Variants in MGRN1 observed in about 807,000 individuals in gnomAD.
The protein encoded by MGRN1 is E3 ubiquitin-protein ligase MGRN1.
Under a neutral mutation model 69.2 loss-of-function variants are expected in MGRN1, and 29 were observed. The observed-to-expected ratio is 0.42, with a 90% CI of 0.31 to 0.57. The LOEUF is 0.57. Ranked by LOEUF, MGRN1 falls within the 20% of genes least tolerant of loss-of-function variation. The pLI, the probability that MGRN1 is intolerant of heterozygous loss-of-function variation, is 0.15. For synonymous variants in MGRN1, 470 were observed against 344.2 expected (o/e 1.37, Z -4.04); for missense variants, 998 against 796.2 (o/e 1.25, Z -3.05).
intron 8 of MGRN1, among the ~76,000 whole-genome samples, chr16:4,670,251 T>A (rs1217715231): frequency 1.3e-5 from 2 of 151,972 alleles, no homozygotes; most frequent in Non-Finnish European, 1.5e-5. Context: ...TTATTTTGTT[T>A]TGTATTTTTG....
chr16:4,644,241 C>A (rs960878802), intron 1 of MGRN1, among the ~76,000 whole-genome samples: 67 of 152,012 alleles, frequency 4.4e-4, no homozygotes, highest in Non-Finnish European at 5.1e-4. Context: ...ATCCACCCCC[C>A]TCAGCCTCCC....
chr16:4,659,760 T>A (rs905228861), intron 5 of MGRN1, among the ~76,000 whole-genome samples: 2 of 152,180 alleles, frequency 1.3e-5, no homozygotes, highest in African/African-American at 4.8e-5. Context: ...AGAAAAACAT[T>A]TGGTCTGGTT....
chr16:4,644,829 A>G (rs1485914367), intron 1 of MGRN1, among the ~76,000 whole-genome samples: 4 of 152,158 alleles, frequency 2.6e-5, no homozygotes, highest in Non-Finnish European at 5.9e-5. Flanking sequence ...TAAAGTGTAC[A>G]AGTCAGTGAT....
intron 4 of MGRN1, among the ~76,000 whole-genome samples, chr16:4,654,784 G>A (rs1422688933): frequency 1.3e-5 from 2 of 152,214 alleles, no homozygotes; most frequent in Non-Finnish European, 2.9e-5. Context: ...GGCTGGTGGA[G>A]ACGACTTATG....
intron 5 of MGRN1, among the ~76,000 whole-genome samples, chr16:4,658,390 C>T (rs970252879): frequency 2.6e-5 from 4 of 151,852 alleles, no homozygotes; most frequent in Non-Finnish European, 5.9e-5. Flanking sequence ...AAAAAAATTA[C>T]CCGGGTGTGG....
chr16:4,643,024 C>T (rs1212863736), intron 1 of MGRN1, among the ~76,000 whole-genome samples: 2 of 152,030 alleles, frequency 1.3e-5, no homozygotes, highest in Admixed American at 6.6e-5. Flanking sequence ...GGCACAATCT[C>T]AGCTCACTGC....
intron 1 of MGRN1, among the ~76,000 whole-genome samples, chr16:4,637,931 C>G (rs1387539345): frequency 1.3e-5 from 2 of 152,226 alleles, no homozygotes; most frequent in East Asian, 3.8e-4. Context: ...AAAAAGGTGA[C>G]TACAGCTTAT....
At chr16:4,685,418 T>G in intron 16 of MGRN1, among the ~76,000 whole-genome samples, 1 of 150,182 alleles carries the variant, frequency 6.7e-6, no homozygotes, top group South Asian at 2.1e-4. Flanking sequence ...CAGGGGAGGG[T>G]CTCGGGCCTT....
chr16:4,680,640 C>T (rs1030537679), intron 12 of MGRN1: 1 of 154,806 alleles, frequency 6.5e-6, no homozygotes, highest in African/African-American at 2.4e-5. Context: ...GGAGGCCACT[C>T]CGGAGCCACC....
chr16:4,634,269 A>T (rs1898162114), intron 1 of MGRN1: 2 of 152,436 alleles, frequency 1.3e-5, no homozygotes, highest in Non-Finnish European at 1.5e-5. Context: ...AGGGAGGGAC[A>T]GGCCCTGGCC....
At chr16:4,677,377 G>C in intron 10 of MGRN1, 86 bp from the exon 11 acceptor site, 4 of 1,010,756 alleles carry the variant, frequency 4.0e-6, no homozygotes, top group South Asian at 3.4e-5. Context: ...ATGGTGTGGG[G>C]GGGGTGTTGA....
At position 4,651,968 on chromosome 16, in the gene MGRN1, C is replaced by G. The variant is rs376902005; in HGVS notation, c.213C>G (p.Pro71=). 56 of 1,613,948 alleles carry G rather than the reference C, an allele frequency of 3.5e-5. No homozygotes were observed. Among genetic ancestry groups the G allele is most frequent in the Middle Eastern group, 3.3e-4 (2 of 6,058 alleles). ...NFLGSRPVQF[P]YVTPAPHEPV... is the part of the protein sequence containing the mutation. The stretch of plus-strand genomic sequence containing the variant: ...CCCTGTGGTTTTTCTCCTAGTTTCC[C>G]TACGTCACTCCTGCCCCCCACGAGC... The change falls in exon 3 of 17, where the codon CCC becomes CCG. Residue 71 remains proline, a synonymous_variant. Transcript: ENST00000262370.
chr16:4,665,668 T>C (rs1206320526), intron 7 of MGRN1, among the ~76,000 whole-genome samples: 2 of 117,690 alleles, frequency 1.7e-5, no homozygotes, highest in Admixed American at 1.6e-4. Context: ...GTGCCCGGCC[T>C]TTTTTTTTTT....
intron 1 of MGRN1, among the ~76,000 whole-genome samples, chr16:4,638,761 G>A (rs566612153): frequency 2.6e-5 from 4 of 152,322 alleles, no homozygotes; most frequent in South Asian, 4.1e-4. Context: ...GTTAGAACAC[G>A]AGGAGAATTT....
chr16:4,671,430 A>C lies in MGRN1; in HGVS notation c.766A>C (p.Ile256Leu), dbSNP rs2078935297. ...VSYLLQEIYG[I>L]ENKNNQETKP... The stretch of plus-strand genomic sequence containing the variant: ...CTACCTCCTGCAGGAGATCTATGGC[A>C]TTGAGAACAAGAACAACCAGGAGAC... The change falls in exon 9 of 17, where the codon ATT becomes CTT. Residue 256 changes from isoleucine (I) to leucine (L), a missense_variant. Coordinates refer to ENST00000262370, the MANE Select transcript of MGRN1 (RefSeq NM_015246.4). 6.2e-7 allele frequency: 1 copy of C among 1,614,036 alleles called. No homozygotes were observed. Among genetic ancestry groups the C allele is most frequent in the Middle Eastern group, 1.7e-4 (1 of 6,058 alleles).
chr16:4,683,691 TG>T, intron 15 of MGRN1, 151 bp from the exon 16 acceptor site: 1 of 611,928 alleles, frequency 1.6e-6, no homozygotes, highest in Non-Finnish European at 2.9e-6. Context: ...GGAGAGCAGG[TG>T]GGGTCACGGT....
chr16:4,680,108 G>GGTCCTCCGGCTAC lies in MGRN1; in HGVS notation c.1131+14_1131+26dup, dbSNP rs1385438051. 1 of 1,613,362 alleles carries GGTCCTCCGGCTAC rather than the reference G, an allele frequency of 6.2e-7. No individual in the cohort carries two copies. Among genetic ancestry groups the GGTCCTCCGGCTAC allele is most frequent in the East Asian group, 2.2e-5 (1 of 44,870 alleles). On this transcript the variant is annotated intron_variant, in intron 12 of 16. Coordinates refer to ENST00000262370, the MANE Select transcript of MGRN1 (RefSeq NM_015246.4). ...CCTAAAAGGGAAACAGTAAGTGTCT[G>GGTCCTCCGGCTAC]GTCCTCCGGCTACGTTTTTTTGCCC...
intron 10 of MGRN1, among the ~76,000 whole-genome samples, chr16:4,674,587 TTTTCTTTTCTTTTCTTTTTTTTTC>T (rs2079012325): frequency 2.9e-5 from 4 of 139,760 alleles, no homozygotes; most frequent in African/African-American, 1.1e-4. Flanking sequence ...GCTTTTTTTT[TTTTCTTTTCTTTTCTTTTTTTTTC>T]TTTTCTTTTC....
intron 1 of MGRN1, among the ~76,000 whole-genome samples, chr16:4,644,990 T>C (rs28558509): frequency 0.13 from 19,362 of 152,184 alleles, 2,972 homozygotes; most frequent in African/African-American, 0.37. Context: ...ACAAATGATA[T>C]ATGTTAATTG....
Sources: gnomAD v4.1 joint callset for allele counts (sites outside exome capture counted in the v4.1 genomes callset) on GRCh38, gnomAD v4.1.1 for gene constraint, MANE v1.5 for transcripts, NCBI Gene and HGNC (gene_info 2026-07-23, HGNC 2026-07-21) for gene names.